PTPN13: variants seen among roughly 807,000 people sequenced by gnomAD.
PTPN13 encodes protein tyrosine phosphatase non-receptor type 13.
In PTPN13, 191 loss-of-function variants were observed where a neutral mutation model predicts 284.0. The ratio of observed to expected loss-of-function variants is 0.67; its 90% CI spans 0.60 to 0.76. The LOEUF (loss-of-function observed/expected upper bound fraction) is 0.76. PTPN13 is among the 30% of genes least tolerant of loss of function. The pLI, the probability that PTPN13 is intolerant of heterozygous loss-of-function variation, is 0.00. For missense variants in PTPN13, 2,797 were observed against 2,939.9 expected, an observed-to-expected ratio of 0.95 and a Z score of 1.12; for synonymous variants, 986 against 1,022.3, an observed-to-expected ratio of 0.96 and a Z score of 0.68.
chr4:86,676,969 T>C (rs181679524), intron 3 of PTPN13, among the ~76,000 whole-genome samples: 1 of 152,244 alleles, frequency 6.6e-6, no homozygotes, highest in East Asian at 1.9e-4. Context: ...TTAACACTAC[T>C]GAAATATATA....
intron 19 of PTPN13, among the ~76,000 whole-genome samples, chr4:86,751,957 G>A (rs1282426959): frequency 6.6e-6 from 1 of 151,836 alleles, no homozygotes; most frequent in East Asian, 1.9e-4. Flanking sequence ...ATGCACATGT[G>A]CATATATATC....
At chr4:86,764,870 CTA>C (rs1739111854) in intron 25 of PTPN13, 146 bp downstream of exon 25, 1 of 945,800 alleles carries the variant, frequency 1.1e-6, no homozygotes, top group Non-Finnish European at 1.5e-6. Flanking sequence ...TATCTAAAAA[CTA>C]TTTTAAAAAT....
chr4:86,678,200 A>G (rs1251853813), intron 3 of PTPN13, among the ~76,000 whole-genome samples: 1 of 152,216 alleles, frequency 6.6e-6, no homozygotes, highest in Non-Finnish European at 1.5e-5. Context: ...TTAGAAAATA[A>G]CAACCTGCTG....
chr4:86,719,331 A>C (rs909240723), intron 9 of PTPN13, among the ~76,000 whole-genome samples: 1 of 152,186 alleles, frequency 6.6e-6, no homozygotes, highest in Non-Finnish European at 1.5e-5. Context: ...ATGGCTGTAT[A>C]GTATTCCATT....
intron 9 of PTPN13, among the ~76,000 whole-genome samples, chr4:86,718,904 G>A (rs769861945): frequency 6.6e-6 from 1 of 152,010 alleles, no homozygotes; most frequent in African/African-American, 2.4e-5. Context: ...CTGTGTCCTT[G>A]TGATGACCCC....
At chr4:86,694,941 T>G (rs891647053) in intron 6 of PTPN13, among the ~76,000 whole-genome samples, 6 of 152,198 alleles carry the variant, frequency 3.9e-5, no homozygotes, top group Non-Finnish European at 7.4e-5. Context: ...CAGAGAAACC[T>G]GTCTTACTTA....
chr4:86,749,120 A>G (rs1307018330), intron 17 of PTPN13, among the ~76,000 whole-genome samples: 1 of 152,156 alleles, frequency 6.6e-6, no homozygotes, highest in East Asian at 1.9e-4. Flanking sequence ...AATATTAAAA[A>G]CCTTTAATGT....
At chr4:86,673,822 C>T (rs962040811) in intron 3 of PTPN13, among the ~76,000 whole-genome samples, 4 of 152,142 alleles carry the variant, frequency 2.6e-5, no homozygotes, top group Non-Finnish European at 4.4e-5. Flanking sequence ...ATTCTCCTGC[C>T]TCAGACTCCC....
chr4:86,690,541 C>G (rs542532065), intron 5 of PTPN13, among the ~76,000 whole-genome samples: 1 of 152,120 alleles, frequency 6.6e-6, no homozygotes, highest in Admixed American at 6.5e-5. Context: ...CAGACATTCT[C>G]ATAAGACTAA....
intron 2 of PTPN13, among the ~76,000 whole-genome samples, chr4:86,661,757 A>C (rs1165601900): frequency 6.6e-6 from 1 of 152,186 alleles, no homozygotes; most frequent in African/African-American, 2.4e-5. Flanking sequence ...TTCCTCATTG[A>C]CCTTTTCATC....
chr4:86,623,580 G>A (rs1222382632), intron 1 of PTPN13, among the ~76,000 whole-genome samples: 1 of 152,128 alleles, frequency 6.6e-6, no homozygotes, highest in South Asian at 2.1e-4. Flanking sequence ...CTAACACGAT[G>A]CAACTATCCT....
chr4:86,655,050 A>G (rs1725589292), intron 2 of PTPN13, among the ~76,000 whole-genome samples: 1 of 152,088 alleles, frequency 6.6e-6, no homozygotes, highest in Admixed American at 6.6e-5. Flanking sequence ...TTTATCAGAG[A>G]CTAGGATTGC....
At chr4:86,763,277 A>G in intron 24 of PTPN13, 87 bp downstream of exon 24, 1 of 1,100,582 alleles carries the variant, frequency 9.1e-7, no homozygotes, top group Non-Finnish European at 1.3e-6. Flanking sequence ...AATCTACAAG[A>G]TGCTTTCATT....
rs1327137444 is a variant in PTPN13 at position 86,766,537 on chromosome 4, A to C, written c.4329+20A>C. 1 of 1,536,190 alleles carries C rather than the reference A, an allele frequency of 6.5e-7. No individual in the cohort carries two copies. Among genetic ancestry groups the C allele is most frequent in the Non-Finnish European group, 8.9e-7 (1 of 1,129,366 alleles). ...GGACAGGTAACAGATCATTATACCAACCTTTTACAGTACCTTAGAAGAGCA... is the reference window on the plus strand; with the variant it reads ...GGACAGGTAACAGATCATTATACCACCCTTTTACAGTACCTTAGAAGAGCA... On this transcript the variant is annotated intron_variant, in intron 27 of 47. Coordinates refer to ENST00000411767, the MANE Select transcript of PTPN13 (RefSeq NM_080683.3).
intron 4 of PTPN13, among the ~76,000 whole-genome samples, chr4:86,687,395 CATA>C (rs1165071049): frequency 5.3e-5 from 8 of 152,064 alleles, no homozygotes; most frequent in Non-Finnish European, 1.2e-4. Context: ...CCAATATAAA[CATA>C]GTAGTAAATA....
chr4:86,730,559 C>G (rs545165473), intron 10 of PTPN13, among the ~76,000 whole-genome samples: 1 of 149,952 alleles, frequency 6.7e-6, no homozygotes, highest in South Asian at 2.1e-4. Context: ...AAGTTGATCT[C>G]AGATTGCTGC....
Position 86,631,719 on chromosome 4 carries a change from C to T in PTPN13, c.-5-3533C>T, listed in dbSNP as rs114204166. ...ACACGGTATTGATATAATTCGTACC[C>T]GATTCAATCAAGCAACAGAGGTATA... On this transcript the variant is annotated intron_variant, in intron 1 of 47. Coordinates refer to ENST00000411767, the MANE Select transcript of PTPN13 (RefSeq NM_080683.3). 5.7e-3 allele frequency among the ~76,000 whole-genome samples: 867 copies of T among 151,994 alleles called. 7 individuals are homozygous for T. The highest frequency in any genetic ancestry group is 0.018 in the African/African-American group (751 of 41,464).
intron 24 of PTPN13, among the ~76,000 whole-genome samples, chr4:86,763,600 T>A (rs758433065): frequency 3.3e-5 from 5 of 152,220 alleles, no homozygotes; most frequent in African/African-American, 1.2e-4. Flanking sequence ...TGAATGATGA[T>A]AACGACATTG....
Position 86,717,035 on chromosome 4 carries a change from G to C in PTPN13, c.1303G>C (p.Glu435Gln), listed in dbSNP as rs975968279. 6.2e-7 allele frequency: 1 copy of C among 1,611,572 alleles called. No homozygotes were observed. The highest frequency in any genetic ancestry group is 1.3e-5 in the African/African-American group (1 of 74,868). ...ESDFRQVRRS[E>Q]ASKRFESSSG... ...TCATTCATAATTAGTGAGAAGAAGT[G>C]AAGCCTCAAAGAGGTTTGAATCCAG... The change falls in exon 9 of 48, where the codon GAA becomes CAA. Residue 435 changes from glutamate (E) to glutamine (Q), a missense_variant. Transcript: ENST00000411767.
Sources: allele counts gnomAD v4.1 joint callset (sites outside exome capture counted in the v4.1 genomes callset), GRCh38; gene constraint gnomAD v4.1.1; transcripts MANE v1.5; gene names NCBI Gene and HGNC (gene_info 2026-07-23, HGNC 2026-07-21).